RIN3: variants seen among roughly 807,000 people sequenced by gnomAD.
RIN3 encodes Ras and Rab interactor 3, also known as RAB5 interacting protein 3.
Under a neutral mutation model 76.3 loss-of-function variants are expected in RIN3, and 54 were observed. That is an observed-to-expected ratio of 0.71 (90% CI 0.57 to 0.89). RIN3 has a LOEUF of 0.89. RIN3 is among the 40% of genes least tolerant of loss of function. RIN3 has a pLI of 0.00. For synonymous variants in RIN3, 576 were observed against 564.0 expected (o/e 1.02, Z -0.30); for missense variants, 1,256 against 1,322.1 (o/e 0.95, Z 0.78).
At chr14:92,674,921 C>T (rs1888409444) in intron 7 of RIN3, among the ~76,000 whole-genome samples, 1 of 150,220 alleles carries the variant, frequency 6.7e-6, no homozygotes, top group Non-Finnish European at 1.5e-5. Context: ...AAGAAAGTTG[C>T]CTCCTCCCTC....
At chr14:92,684,413 A>G (rs1888775162) in intron 8 of RIN3, among the ~76,000 whole-genome samples, 1 of 151,850 alleles carries the variant, frequency 6.6e-6, no homozygotes, top group South Asian at 2.1e-4. Flanking sequence ...CCTCACACAA[A>G]GCATGTTTTA....
intron 2 of RIN3, among the ~76,000 whole-genome samples, chr14:92,561,141 ATATTTT>A (rs1566843390): frequency 1.2e-3 from 59 of 49,218 alleles, no homozygotes; most frequent in African/African-American, 3.3e-3. Flanking sequence ...ATATTTATAT[ATATTTT>A]TATATATATA....
intron 8 of RIN3, 144 bp downstream of exon 8, chr14:92,676,750 A>G (rs1281957297): frequency 1.2e-6 from 1 of 860,012 alleles, no homozygotes; most frequent in Non-Finnish European, 1.8e-6. Context: ...TGTGAATCCT[A>G]CACAGGTCCT....
chr14:92,613,167 A>G (rs1885812139), intron 3 of RIN3, among the ~76,000 whole-genome samples: 1 of 152,118 alleles, frequency 6.6e-6, no homozygotes, highest in Non-Finnish European at 1.5e-5. Context: ...TTCCCATCTT[A>G]CAGATGGAAC....
rs1214543361 is a variant in RIN3 at position 92,547,619 on chromosome 14, C to T, written c.45-8132C>T. Among the ~76,000 whole-genome samples the T allele has an allele frequency of 2.6e-5, 4 of 152,056 alleles. No homozygotes were observed. In the Middle Eastern group the frequency reaches 9.5e-3, roughly 361 times the overall value. On this transcript the variant is annotated intron_variant, in intron 1 of 9. Transcript: ENST00000216487. ...CCACGTTGCCCAAGCTGGTCTCAAA[C>T]TCCTCAACTGTAGCAGTCCTCCCAC...
chr14:92,667,594 T>C (rs957922769), intron 7 of RIN3, among the ~76,000 whole-genome samples: 1 of 152,208 alleles, frequency 6.6e-6, no homozygotes. Flanking sequence ...CAATAGTCTG[T>C]TGGTGAATTT....
chr14:92,621,255 A>AAAAAAAAAAAAG, intron 4 of RIN3, among the ~76,000 whole-genome samples: 2 of 151,318 alleles, frequency 1.3e-5, no homozygotes, highest in East Asian at 3.9e-4. Flanking sequence ...AAAAAAAAAA[A>AAAAAAAAAAAAG]GAATTACCAA....
chr14:92,675,619 C>T (rs1293865495), intron 7 of RIN3, among the ~76,000 whole-genome samples: 2 of 152,284 alleles, frequency 1.3e-5, no homozygotes, highest in African/African-American at 2.4e-5. Flanking sequence ...AGCTGCTCAC[C>T]GAAGCTTCAT....
Position 92,525,516 on chromosome 14 carries a change from G to C in RIN3, c.44+11540G>C, listed in dbSNP as rs1280897313. ...TATATGGTGTGTTGATGCCAAAGAG[G>C]GGGGTGAAAGGGAAGTGCCCAGGAC... On this transcript the variant is annotated intron_variant, in intron 1 of 9. Coordinates refer to ENST00000216487, the MANE Select transcript of RIN3 (RefSeq NM_024832.5). Among the ~76,000 whole-genome samples, 3 of 152,130 alleles carry C rather than the reference G, an allele frequency of 2.0e-5. No individual in the cohort carries two copies. In the East Asian group the frequency reaches 5.8e-4, roughly 29 times the overall value.
intron 3 of RIN3, among the ~76,000 whole-genome samples, chr14:92,603,536 T>G (rs1235579728): frequency 6.6e-6 from 1 of 152,082 alleles, no homozygotes; most frequent in Non-Finnish European, 1.5e-5. Flanking sequence ...GTCTCAAGAG[T>G]CTCATGGTAT....
At chr14:92,588,371 G>T (rs1351738146) in intron 3 of RIN3, among the ~76,000 whole-genome samples, 1 of 151,946 alleles carries the variant, frequency 6.6e-6, no homozygotes, top group Non-Finnish European at 1.5e-5. Flanking sequence ...GGGATTACAG[G>T]CATGTGCCGC....
At chr14:92,524,846 C>T (rs1253838205) in intron 1 of RIN3, among the ~76,000 whole-genome samples, 4 of 152,348 alleles carry the variant, frequency 2.6e-5, no homozygotes, top group African/African-American at 7.2e-5. Context: ...GCACCCAGGC[C>T]GCTCCATGGC....
At chr14:92,523,300 G>A (rs1051330555) in intron 1 of RIN3, among the ~76,000 whole-genome samples, 3 of 152,006 alleles carry the variant, frequency 2.0e-5, no homozygotes, top group South Asian at 2.1e-4. Context: ...TAGTAGAGAC[G>A]GGGGTTTCAC....
intron 3 of RIN3, among the ~76,000 whole-genome samples, chr14:92,591,684 T>C (rs1190684993): frequency 6.6e-6 from 1 of 152,010 alleles, no homozygotes; most frequent in African/African-American, 2.4e-5. Flanking sequence ...GAGTGAAATA[T>C]TTAGTATTGA....
chr14:92,547,007 A>AC (rs1566836423), intron 1 of RIN3, among the ~76,000 whole-genome samples: 1 of 70,290 alleles, frequency 1.4e-5, no homozygotes, highest in Non-Finnish European at 3.3e-5. Flanking sequence ...TTATTATTTT[A>AC]TTTTATTATT....
At chr14:92,576,973 T>TAA (rs2140058797) in intron 2 of RIN3, among the ~76,000 whole-genome samples, 1 of 152,212 alleles carries the variant, frequency 6.6e-6, no homozygotes, top group South Asian at 2.1e-4. Flanking sequence ...CTTTTCTGAG[T>TAA]GTAGACTCAG....
At chr14:92,601,388 A>G (rs950441392) in intron 3 of RIN3, among the ~76,000 whole-genome samples, 1 of 152,174 alleles carries the variant, frequency 6.6e-6, no homozygotes, top group Admixed American at 6.5e-5. Context: ...TGTGACCTTC[A>G]GTGAGCTACT....
chr14:92,615,321 C>T, intron 3 of RIN3, 86 bp from the exon 4 acceptor site: 1 of 1,133,112 alleles, frequency 8.8e-7, no homozygotes, highest in Non-Finnish European at 1.3e-6. Flanking sequence ...CAGACACGCC[C>T]CCCGACCCCA....
chr14:92,646,157 C>T (rs913750466), intron 5 of RIN3, among the ~76,000 whole-genome samples: 1 of 152,146 alleles, frequency 6.6e-6, no homozygotes, highest in East Asian at 1.9e-4. Flanking sequence ...TGAATTCATA[C>T]TCAGGGCTTG....
Sources: allele counts gnomAD v4.1 joint callset (sites outside exome capture counted in the v4.1 genomes callset), GRCh38; gene constraint gnomAD v4.1.1; transcripts MANE v1.5; gene names NCBI Gene and HGNC (gene_info 2026-07-23, HGNC 2026-07-21).